Variants in HOXB3 observed in about 807,000 individuals in gnomAD.
HOXB3 encodes the protein homeobox B3, also known as homeobox protein Hox-B3.
In HOXB3, 17 loss-of-function variants were observed where a neutral mutation model predicts 29.2. The observed-to-expected ratio is 0.58, with a 90% CI of 0.40 to 0.87. HOXB3 has a LOEUF of 0.87. Among genes scored for constraint, HOXB3 ranks in the 40% least tolerant of loss-of-function variants. HOXB3 has a pLI of 0.00. For missense variants in HOXB3, 637 were observed against 616.3 expected, an observed-to-expected ratio of 1.03 and a Z score of -0.35; for synonymous variants, 317 against 285.9, an observed-to-expected ratio of 1.11 and a Z score of -1.10.
chr17:48,570,918 A>C (rs2069564218), intron 2 of HOXB3, among the ~76,000 whole-genome samples: 2 of 152,304 alleles, frequency 1.3e-5, no homozygotes, highest in South Asian at 4.1e-4. Context: ...AGAGAAAAAC[A>C]CTCTGCTAAA....
intron 2 of HOXB3, 147 bp from the exon 3 acceptor site, chr17:48,555,765 G>A (rs2068963090): frequency 1.6e-6 from 1 of 628,176 alleles, no homozygotes; most frequent in Non-Finnish European, 2.8e-6. Context: ...AATTCACTCG[G>A]CTTAGGAGCA....
chr17:48,582,443 T>G (rs1424749282), intron 1 of HOXB3: 2 of 151,168 alleles, frequency 1.3e-5, no homozygotes, highest in Middle Eastern at 3.4e-3. Context: ...GAACGTGACT[T>G]TTTTTTTTGG....
intron 2 of HOXB3, among the ~76,000 whole-genome samples, chr17:48,565,301 C>G (rs1163780715): frequency 1.3e-5 from 2 of 152,174 alleles, no homozygotes; most frequent in African/African-American, 4.8e-5. Context: ...TCAGCTCCTG[C>G]CACAGCTGCC....
chr17:48,563,129 C>T (rs982896547), intron 2 of HOXB3, among the ~76,000 whole-genome samples: 3 of 152,160 alleles, frequency 2.0e-5, no homozygotes, highest in African/African-American at 4.8e-5. Context: ...GGCTTCCCAC[C>T]ACAAAGTTAA....
At position 48,554,789 on chromosome 17, in the gene HOXB3, C is replaced by T. The variant is rs769007554; in HGVS notation, c.-159+742G>A. The T allele has an allele frequency of 5.1e-5, 36 of 702,264 alleles. No homozygotes were observed. Among genetic ancestry groups the T allele is most frequent in the Non-Finnish European group, 8.6e-5 (33 of 384,846 alleles). 43.5% of individuals were successfully genotyped at this position (702,264 alleles called of 1,614,324 possible). A position where few individuals can be genotyped will look rare whatever the true frequency, so the allele number is the denominator to read the frequency against. On this transcript the variant is annotated intron_variant, in intron 3 of 4. Coordinates refer to ENST00000498678, the MANE Select transcript of HOXB3 (RefSeq NM_001384749.1). The surrounding 1 kb of genome is among the most constrained non-coding windows in gnomAD (Gnocchi z 4.1). The stretch of plus-strand genomic sequence containing the variant: ...ACCGAATTAAAAGGCGCCTTAGAAA[C>T]TCCGCTTCGGGACTTTGCTCAGCAG...
intron 3 of HOXB3, among the ~76,000 whole-genome samples, chr17:48,555,069 G>A (rs2068910172): frequency 6.6e-6 from 1 of 151,694 alleles, no homozygotes; most frequent in Non-Finnish European, 1.5e-5. Flanking sequence ...TGAGCCCCCC[G>A]CAAGAACCCC....
chr17:48,561,719 T>C (rs2069205006), intron 2 of HOXB3, among the ~76,000 whole-genome samples: 1 of 152,214 alleles, frequency 6.6e-6, no homozygotes, highest in Non-Finnish European at 1.5e-5. Context: ...AAGTGATTTG[T>C]CTAGAGTCAT....
intron 1 of HOXB3, chr17:48,576,985 A>C: frequency 6.2e-7 from 1 of 1,610,396 alleles, no homozygotes. Flanking sequence ...GCGGTCCGAG[A>C]GCGCTTGGGC....
Position 48,573,941 on chromosome 17 carries a change from A to T in HOXB3, c.-351T>A, listed in dbSNP as rs1168278309. 16 of 695,976 alleles carry T rather than the reference A, an allele frequency of 2.3e-5. No individual in the cohort carries two copies. In the East Asian group the frequency reaches 4.0e-4, roughly 18 times the overall value. 43.1% of individuals were successfully genotyped at this position (695,976 alleles called of 1,614,324 possible). On this transcript the variant is annotated 5_prime_UTR_variant, in exon 2 of 5. Transcript: ENST00000498678. ...AAAGTTTTCAACTTTATGGTTCCAAATTTTTTCCCCCTTGCAGATCCGGGA... is the reference window on the plus strand; with the variant it reads ...AAAGTTTTCAACTTTATGGTTCCAATTTTTTTCCCCCTTGCAGATCCGGGA...
At chr17:48,555,369 G>GGA (rs1282012447) in intron 3 of HOXB3, 162 bp downstream of exon 3, 1 of 192,162 alleles carries the variant, frequency 5.2e-6, no homozygotes, top group African/African-American at 5.4e-5. Context: ...AGAGAGGGAG[G>GGA]GAGGGAGGGA....
intron 2 of HOXB3, among the ~76,000 whole-genome samples, chr17:48,558,337 G>A (rs1408205883): frequency 6.6e-6 from 1 of 152,098 alleles, no homozygotes; most frequent in African/African-American, 2.4e-5. Flanking sequence ...GGTCCCTCGG[G>A]CTACAGAAGG....
At chr17:48,558,048 A>T (rs78664124) in intron 2 of HOXB3, among the ~76,000 whole-genome samples, 5,036 of 145,000 alleles carry the variant, frequency 0.035, 223 homozygotes, top group East Asian at 0.24. Context: ...TCCCCCAAAT[A>T]AAAAAAAAGC....
intron 2 of HOXB3, among the ~76,000 whole-genome samples, chr17:48,563,898 A>G (rs1360803185): frequency 1.9e-5 from 2 of 102,992 alleles, no homozygotes; most frequent in African/African-American, 7.8e-5. Flanking sequence ...CTCAGTACCC[A>G]CAGCCCCCAA....
chr17:48,559,549 G>A (rs1567952601), intron 2 of HOXB3: 1 of 152,190 alleles, frequency 6.6e-6, no homozygotes, highest in Non-Finnish European at 1.5e-5. Flanking sequence ...GTGGTGTAAA[G>A]GTCACACACT....
intron 1 of HOXB3, among the ~76,000 whole-genome samples, chr17:48,589,309 A>G (rs1429385405): frequency 6.6e-6 from 1 of 152,142 alleles, no homozygotes; most frequent in South Asian, 2.1e-4. Flanking sequence ...TTATTTGAGG[A>G]GGGCTTGCCA....
intron 1 of HOXB3, chr17:48,578,546 T>G (rs1420560748): frequency 4.3e-6 from 2 of 464,440 alleles, no homozygotes; most frequent in African/African-American, 2.6e-5. Context: ...CCCTTCCCCC[T>G]CCCCACCCAC....
chr17:48,576,685 C>A, intron 1 of HOXB3: 1 of 1,532,444 alleles, frequency 6.5e-7, no homozygotes. Context: ...ACTGCCCACC[C>A]CCACCCCGAG....
chr17:48,580,748 C>T (rs149339371), intron 1 of HOXB3: 2 of 152,290 alleles, frequency 1.3e-5, no homozygotes, highest in African/African-American at 2.4e-5. Flanking sequence ...TGGGGAGGAA[C>T]CCCATTTCCC....
chr17:48,554,357 G>C lies in HOXB3; in HGVS notation c.-159+1174C>G, dbSNP rs1460943893. The C allele has an allele frequency of 6.8e-6, 3 of 441,156 alleles. No individual in the cohort carries two copies. The highest frequency in any genetic ancestry group is 8.2e-6 in the Non-Finnish European group (2 of 244,360). 27.3% of individuals were successfully genotyped at this position (441,156 alleles called of 1,614,324 possible). On this transcript the variant is annotated intron_variant, in intron 3 of 4. Transcript: ENST00000498678. The surrounding 1 kb of genome is among the most constrained non-coding windows in gnomAD (Gnocchi z 4.1). ...AATAATGATGACGATGATGATGATA[G>C]TAATAATAATAAAACAATAATTTAA...
Sources: allele counts gnomAD v4.1 joint callset (sites outside exome capture counted in the v4.1 genomes callset), GRCh38; gene constraint gnomAD v4.1.1; non-coding constraint Gnocchi (gnomAD v3.1); transcripts MANE v1.5; gene names NCBI Gene and HGNC (gene_info 2026-07-23, HGNC 2026-07-21).